GALNT13: variants seen among roughly 807,000 people sequenced by gnomAD.
GALNT13 encodes UDP-GalNAc:polypeptide N-acetylgalactosaminyltransferase 13.
Under a neutral mutation model 64.2 loss-of-function variants are expected in GALNT13, and 28 were observed. The observed-to-expected ratio is 0.44, with a 90% CI of 0.32 to 0.60. The LOEUF is 0.60. Ranked by LOEUF, GALNT13 falls within the 20% of genes least tolerant of loss-of-function variation. GALNT13 has a pLI of 0.05. For missense variants in GALNT13, 577 were observed against 669.8 expected (o/e 0.86, Z 1.53); for synonymous variants, 214 against 224.6 (o/e 0.95, Z 0.42).
chr2:153,473,615 G>A, the GALNT13 span, among the ~76,000 whole-genome samples: 1 of 152,200 alleles, frequency 6.6e-6, no homozygotes. Flanking sequence ...GTTGATTCCT[G>A]TTTGGAGGAT....
chr2:153,638,658 A>C, the GALNT13 span, among the ~76,000 whole-genome samples: 1 of 152,040 alleles, frequency 6.6e-6, no homozygotes, highest in Non-Finnish European at 1.5e-5. Flanking sequence ...AAGGAAAAGT[A>C]CACAGCCCAA....
intron 9 of GALNT13, among the ~76,000 whole-genome samples, chr2:154,377,484 AAATC>A (rs1698055476): frequency 6.6e-6 from 1 of 152,148 alleles, no homozygotes. Flanking sequence ...TCCTCTAACT[AAATC>A]AAGCCCAGAA....
At chr2:153,223,518 G>A in the GALNT13 span, among the ~76,000 whole-genome samples, 1 of 152,132 alleles carries the variant, frequency 6.6e-6, no homozygotes, top group African/African-American at 2.4e-5. Flanking sequence ...AGAGAACAAT[G>A]AACATTTTTA....
At chr2:154,442,689 A>G (rs914737029) in intron 12 of GALNT13, among the ~76,000 whole-genome samples, 4 of 152,138 alleles carry the variant, frequency 2.6e-5, no homozygotes, top group Non-Finnish European at 5.9e-5. Flanking sequence ...CATTATAATT[A>G]TGTTCCAATC....
chr2:153,575,217 C>T, the GALNT13 span, among the ~76,000 whole-genome samples: 2 of 152,276 alleles, frequency 1.3e-5, no homozygotes, highest in African/African-American at 4.8e-5. Context: ...GCCAAACAAA[C>T]AACATCTCTT....
At chr2:154,074,077 T>A (rs191275138) in intron 3 of GALNT13, among the ~76,000 whole-genome samples, 3 of 152,026 alleles carry the variant, frequency 2.0e-5, no homozygotes, top group Non-Finnish European at 4.4e-5. Context: ...GAAATGTTTT[T>A]AAATTATACT....
chr2:153,746,674 T>A, the GALNT13 span, among the ~76,000 whole-genome samples: 1 of 152,122 alleles, frequency 6.6e-6, no homozygotes, highest in South Asian at 2.1e-4. Flanking sequence ...AGGTTATACT[T>A]ATGTTAAATT....
rs116699555 is a variant in GALNT13, at chr2:154,297,250, A to G, written c.976-4159A>G. Among the ~76,000 whole-genome samples, 817 of 152,316 alleles carry G rather than the reference A, an allele frequency of 5.4e-3. 13 individuals carry two copies. Among genetic ancestry groups the G allele is most frequent in the Non-Finnish European group, 9.2e-3 (624 of 68,022 alleles). On this transcript the variant is annotated intron_variant, in intron 8 of 12. Coordinates refer to ENST00000392825, the MANE Select transcript of GALNT13 (RefSeq NM_052917.4). ...ACTACAAAACAAATTGCAGAAAGCA[A>G]CACTGAAAGCAGCAAGACAATTAAG... is the stretch of plus-strand genomic sequence containing the variant.
intron 11 of GALNT13, among the ~76,000 whole-genome samples, chr2:154,433,974 T>C (rs2105455011): frequency 6.6e-6 from 1 of 152,280 alleles, no homozygotes; most frequent in Non-Finnish European, 1.5e-5. Context: ...CCTAATCTAA[T>C]GTAACTGGTG....
chr2:153,868,234 C>T (rs1234074646), upstream of GALNT13, among the ~76,000 whole-genome samples: 1 of 152,036 alleles, frequency 6.6e-6, no homozygotes, highest in Non-Finnish European at 1.5e-5. Flanking sequence ...TATGACTGAA[C>T]CCTAAGTTTT....
intron 8 of GALNT13, chr2:154,287,195 GC>G: frequency 1.3e-6 from 2 of 1,484,392 alleles, no homozygotes; most frequent in Non-Finnish European, 1.9e-6. Flanking sequence ...AGCAGAGAGG[GC>G]CAGATTTGTG....
the GALNT13 span, among the ~76,000 whole-genome samples, chr2:153,829,921 A>C: frequency 6.6e-6 from 1 of 152,136 alleles, no homozygotes; most frequent in Non-Finnish European, 1.5e-5. Context: ...TTTTGAGGGA[A>C]TAGTGGGGAG....
the GALNT13 span, among the ~76,000 whole-genome samples, chr2:153,126,158 G>T: frequency 3.3e-5 from 5 of 151,630 alleles, no homozygotes; most frequent in East Asian, 7.7e-4. Context: ...GTTCTCTTGA[G>T]GGAAAAATAG....
At chr2:153,553,200 T>C in the GALNT13 span, among the ~76,000 whole-genome samples, 1 of 152,214 alleles carries the variant, frequency 6.6e-6, no homozygotes. Context: ...TAGCTCATCA[T>C]GAAATTAGAT....
chr2:154,298,841 T>G (rs1238400126), intron 8 of GALNT13, among the ~76,000 whole-genome samples: 1 of 124,800 alleles, frequency 8.0e-6, no homozygotes, highest in Non-Finnish European at 1.6e-5. Flanking sequence ...ATATATAAAT[T>G]ATATATTATT....
the GALNT13 span, among the ~76,000 whole-genome samples, chr2:153,486,219 G>A: frequency 4.6e-5 from 7 of 152,092 alleles, no homozygotes; most frequent in Non-Finnish European, 8.8e-5. Flanking sequence ...ACAGGTGTGA[G>A]CCACCGTGCC....
At chr2:153,944,922 G>A (rs559366862) in intron 3 of GALNT13, among the ~76,000 whole-genome samples, 7 of 152,126 alleles carry the variant, frequency 4.6e-5, no homozygotes, top group Non-Finnish European at 8.8e-5. Context: ...TTGAGTGAAC[G>A]TTCAAACTGG....
the GALNT13 span, among the ~76,000 whole-genome samples, chr2:153,822,006 A>G: frequency 6.6e-6 from 1 of 152,190 alleles, no homozygotes; most frequent in Admixed American, 6.5e-5. Context: ...ATTTCTGGAA[A>G]CACACAACCT....
At chr2:153,722,735 T>C in the GALNT13 span, among the ~76,000 whole-genome samples, 3 of 151,890 alleles carry the variant, frequency 2.0e-5, no homozygotes, top group South Asian at 4.1e-4. Context: ...ACACATACAC[T>C]CTCCCAAGAC....
Sources: gnomAD v4.1 joint callset for allele counts (sites outside exome capture counted in the v4.1 genomes callset) on GRCh38, gnomAD v4.1.1 for gene constraint, MANE v1.5 for transcripts, NCBI Gene and HGNC (gene_info 2026-07-23, HGNC 2026-07-21) for gene names.